Variants in SOX6 observed in about 807,000 individuals in gnomAD.
SOX6 encodes SRY-box transcription factor 6.
A neutral mutation model predicts 97.8 loss-of-function variants in SOX6; 11 were observed. That is an observed-to-expected ratio of 0.11 (90% CI 0.07 to 0.19). SOX6 has a LOEUF of 0.19. Among genes scored for constraint, SOX6 ranks in the 10% least tolerant of loss-of-function variants. The pLI is 1.00. For synonymous variants in SOX6, 360 were observed against 371.4 expected (o/e 0.97, Z 0.35); for missense variants, 810 against 1,039.5 (o/e 0.78, Z 3.04).
chr11:16,591,073 T>C (rs1848144644), intron 4 of SOX6, among the ~76,000 whole-genome samples: 1 of 152,110 alleles, frequency 6.6e-6, no homozygotes. Context: ...TATACACCTA[T>C]GTAACCACAA....
intron 7 of SOX6, among the ~76,000 whole-genome samples, chr11:16,105,118 T>C (rs554518709): frequency 5.0e-4 from 76 of 152,150 alleles, no homozygotes; most frequent in African/African-American, 1.8e-3. Context: ...CACTATCCCA[T>C]ATAAATATAG....
intron 4 of SOX6, among the ~76,000 whole-genome samples, chr11:16,609,092 T>A (rs1447596309): frequency 2.0e-5 from 3 of 152,208 alleles, no homozygotes; most frequent in Non-Finnish European, 2.9e-5. Context: ...ACCTGAAACT[T>A]AATCTCAGTG....
intron 6 of SOX6, among the ~76,000 whole-genome samples, chr11:16,155,113 T>C (rs905587500): frequency 6.6e-6 from 1 of 152,152 alleles, no homozygotes; most frequent in African/African-American, 2.4e-5. Context: ...TATCTCTATG[T>C]TCAAATTCCC....
chr11:16,558,383 A>T (rs946169586), intron 4 of SOX6, among the ~76,000 whole-genome samples: 2 of 151,958 alleles, frequency 1.3e-5, no homozygotes, highest in Admixed American at 6.6e-5. Context: ...TTCTGTGCCC[A>T]GTCTTCAAGA....
At chr11:16,456,087 C>T (rs978450321) in intron 1 of SOX6, among the ~76,000 whole-genome samples, 3 of 152,052 alleles carry the variant, frequency 2.0e-5, no homozygotes, top group Non-Finnish European at 4.4e-5. Flanking sequence ...AATTTTATTT[C>T]ATAACACATA....
intron 1 of SOX6, among the ~76,000 whole-genome samples, chr11:16,395,743 G>A (rs1207995633): frequency 6.6e-6 from 1 of 151,800 alleles, no homozygotes; most frequent in Admixed American, 6.6e-5. Context: ...TGGAATTTAA[G>A]CATATATTAT....
chr11:16,363,603 T>C (rs1413990544), intron 1 of SOX6, among the ~76,000 whole-genome samples: 3 of 152,158 alleles, frequency 2.0e-5, no homozygotes, highest in Non-Finnish European at 4.4e-5. Context: ...GTCTGAGTGC[T>C]ATTCTAGGAA....
intron 13 of SOX6, among the ~76,000 whole-genome samples, chr11:15,990,595 T>C (rs1448388947): frequency 1.3e-5 from 2 of 152,146 alleles, no homozygotes; most frequent in Non-Finnish European, 2.9e-5. Flanking sequence ...TGAATGAACA[T>C]AGTTCTTACT....
intron 3 of SOX6, among the ~76,000 whole-genome samples, chr11:16,248,361 G>T (rs867246817): frequency 1.3e-4 from 20 of 152,270 alleles, no homozygotes; most frequent in Admixed American, 4.6e-4. Context: ...GGGACTCTGT[G>T]TAGGGGTTCC....
chr11:16,499,856 G>A (rs961814647), intron 4 of SOX6, among the ~76,000 whole-genome samples: 9 of 152,106 alleles, frequency 5.9e-5, no homozygotes, highest in African/African-American at 2.2e-4. Flanking sequence ...ACCAGACGGA[G>A]TCACAGCCGA....
intron 3 of SOX6, among the ~76,000 whole-genome samples, chr11:16,310,935 T>C (rs1029046803): frequency 1.3e-5 from 2 of 151,966 alleles, no homozygotes; most frequent in Non-Finnish European, 2.9e-5. Context: ...AAACATGGGC[T>C]TTTAATAGAT....
At position 16,564,831 on chromosome 11, in the gene SOX6, T is replaced by C. The variant is rs144187767; in HGVS notation, n.609+47250A>G. On this transcript the variant is annotated intron_variant and non_coding_transcript_variant, in intron 4 of 5. Transcript: ENST00000524520. Reference sequence around the variant, plus strand: ...AAAGCAGTGCTGAGAAAGACATTTATAACACTAAATGCATGCATAAGAAAA... The same window carrying C: ...AAAGCAGTGCTGAGAAAGACATTTACAACACTAAATGCATGCATAAGAAAA... Among the ~76,000 whole-genome samples the C allele has an allele frequency of 2.7e-4, 41 of 152,022 alleles. No homozygotes were observed. The South Asian group carries it at 7.2e-3, about 27-fold the overall frequency.
In SOX6 at chr11:16,560,435, G is replaced by A. The variant is rs747529145; in HGVS notation, n.609+51646C>T. ...CATATATACGTACATATGTTTATAC[G>A]TACATATATGTTTATACGTACATAT... On this transcript the variant is annotated intron_variant and non_coding_transcript_variant, in intron 4 of 5. Transcript: ENST00000524520. Among the ~76,000 whole-genome samples the A allele has an allele frequency of 4.6e-5, 6 of 129,896 alleles. 1 individual carries two copies. Among genetic ancestry groups the A allele is most frequent in the East Asian group, 2.0e-4 (1 of 5,076 alleles). 85.2% of individuals were successfully genotyped at this position (129,896 alleles called of 152,430 possible). A position where few individuals can be genotyped will look rare whatever the true frequency, so the allele number is the denominator to read the frequency against.
At chr11:16,005,210 T>C (rs1400956786) in intron 13 of SOX6, among the ~76,000 whole-genome samples, 2 of 152,044 alleles carry the variant, frequency 1.3e-5, no homozygotes, top group Non-Finnish European at 2.9e-5. Flanking sequence ...AACTGAAGAA[T>C]GCAATTTACT....
intron 5 of SOX6, among the ~76,000 whole-genome samples, chr11:16,186,327 A>T (rs967608976): frequency 6.6e-6 from 1 of 152,178 alleles, no homozygotes; most frequent in East Asian, 1.9e-4. Context: ...GGGAAAACTG[A>T]AATGTATGGT....
intron 4 of SOX6, among the ~76,000 whole-genome samples, chr11:16,544,733 T>A (rs1265998295): frequency 6.6e-6 from 1 of 152,158 alleles, no homozygotes; most frequent in East Asian, 1.9e-4. Flanking sequence ...TTTTTTTTAA[T>A]GTACAGTCTT....
intron 2 of SOX6, among the ~76,000 whole-genome samples, chr11:16,327,652 G>T (rs769482706): frequency 1.3e-5 from 2 of 152,046 alleles, no homozygotes; most frequent in African/African-American, 4.8e-5. Flanking sequence ...TATTCAGCTG[G>T]ATTGCCGACC....
At chr11:16,437,757 A>T (rs78219844) in intron 1 of SOX6, among the ~76,000 whole-genome samples, 13,905 of 152,244 alleles carry the variant, frequency 0.091, 684 homozygotes, top group Non-Finnish European at 0.11. Flanking sequence ...TATGGGGAAA[A>T]TTATTTAACT....
intron 3 of SOX6, among the ~76,000 whole-genome samples, chr11:16,290,566 A>C (rs1025970232): frequency 6.6e-6 from 1 of 152,092 alleles, no homozygotes; most frequent in Non-Finnish European, 1.5e-5. Context: ...AAAACAGGAC[A>C]CAAAACGTGT....
Sources: gnomAD v4.1 joint callset for allele counts (sites outside exome capture counted in the v4.1 genomes callset) on GRCh38, gnomAD v4.1.1 for gene constraint, MANE v1.5 for transcripts, NCBI Gene and HGNC (gene_info 2026-07-23, HGNC 2026-07-21) for gene names.